The following IL31RA variants were observed in gnomAD, a reference collection of about 807,000 sequenced individuals.
IL31RA encodes interleukin 31 receptor A, also known as interleukin-31 receptor subunit alpha.
A neutral mutation model predicts 83.7 loss-of-function variants in IL31RA; 66 were observed. The observed-to-expected ratio is 0.79, with a 90% CI of 0.65 to 0.97. IL31RA has a LOEUF of 0.97. Among genes scored for constraint, IL31RA ranks in the 50% least tolerant of loss-of-function variants. The pLI is 0.00. For missense variants in IL31RA, 798 were observed against 919.4 expected, an observed-to-expected ratio of 0.87 and a Z score of 1.71; for synonymous variants, 325 against 329.0, an observed-to-expected ratio of 0.99 and a Z score of 0.13.
At chr5:55,896,216 C>A (rs974368138) in intron 6 of IL31RA, 134 bp from the exon 7 acceptor site, 14 of 722,368 alleles carry the variant, frequency 1.9e-5, no homozygotes, top group Non-Finnish European at 3.1e-5. Flanking sequence ...TGCAAAGCTG[C>A]CATCCCTCCA....
chr5:55,906,923 T>C (rs2112557453), intron 9 of IL31RA, among the ~76,000 whole-genome samples: 1 of 152,234 alleles, frequency 6.6e-6, no homozygotes, highest in South Asian at 2.1e-4. Context: ...ACCACAATCA[T>C]TTCTTAATGC....
chr5:55,881,673 C>T (rs552618183), intron 4 of IL31RA, among the ~76,000 whole-genome samples: 84 of 150,254 alleles, frequency 5.6e-4, no homozygotes, highest in Non-Finnish European at 1.1e-3. Flanking sequence ...TGCCATTTTG[C>T]CTCTTAATGG....
upstream of IL31RA, among the ~76,000 whole-genome samples, chr5:55,846,677 A>G (rs982158265): frequency 2.6e-5 from 4 of 151,940 alleles, no homozygotes; most frequent in South Asian, 2.1e-4. Flanking sequence ...TGCGCCTGTA[A>G]TCTCAGCTAC....
At chr5:55,910,242 AT>A (rs1749419984) in intron 11 of IL31RA, among the ~76,000 whole-genome samples, 1 of 152,036 alleles carries the variant, frequency 6.6e-6, no homozygotes, top group East Asian at 1.9e-4. Flanking sequence ...AGCTTGATCT[AT>A]TTTTTTCTTT....
At chr5:55,888,375 C>G (rs368411213) in intron 5 of IL31RA, among the ~76,000 whole-genome samples, 1 of 152,152 alleles carries the variant, frequency 6.6e-6, no homozygotes, top group Non-Finnish European at 1.5e-5. Context: ...GTTTCATCTT[C>G]TCTGAGGCCG....
rs1310695700 is a variant in IL31RA, at chr5:55,921,507, G to A, written c.*4387G>A. On this transcript the variant is annotated 3_prime_UTR_variant, in exon 15 of 15. Coordinates refer to ENST00000652347, the MANE Select transcript of IL31RA (RefSeq NM_139017.7). ...ACCTTTGTCCTGTCTCTTTGGGGCT[G>A]TTTTCAAAAGTGGAATTGCTGGTCA... Among the ~76,000 whole-genome samples the A allele has an allele frequency of 6.6e-6, 1 of 152,174 alleles. No individual in the cohort carries two copies. The highest frequency in any genetic ancestry group is 1.9e-4 in the East Asian group (1 of 5,204).
At chr5:55,905,993 G>C in intron 8 of IL31RA, 113 bp from the exon 9 acceptor site, 2 of 1,039,930 alleles carry the variant, frequency 1.9e-6, no homozygotes, top group South Asian at 2.5e-5. Flanking sequence ...CTGCAGTGGA[G>C]ATCCTGAACT....
At chr5:55,879,295 G>C (rs1016542122) in intron 4 of IL31RA, among the ~76,000 whole-genome samples, 1 of 152,020 alleles carries the variant, frequency 6.6e-6, no homozygotes, top group African/African-American at 2.4e-5. Context: ...GCAAGGGCAA[G>C]TAAGACAGCC....
Position 55,904,199 on chromosome 5 carries a change from C to T in IL31RA, c.1070-1907C>T, listed in dbSNP as rs1748994274. ...TATACTTTGGGGGGATACAATTCAA[C>T]CTGTAACAGGTACAATCTGAGATAA... On this transcript the variant is annotated intron_variant, in intron 8 of 14. Transcript: ENST00000652347. Among the ~76,000 whole-genome samples, 3 of 152,190 alleles carry T rather than the reference C, an allele frequency of 2.0e-5. No homozygotes were observed. The South Asian group carries it at 6.2e-4, about 31-fold the overall frequency.
chr5:55,910,414 G>A, intron 11 of IL31RA, 118 bp from the exon 12 acceptor site: 1 of 1,106,486 alleles, frequency 9.0e-7, no homozygotes, highest in South Asian at 1.3e-5. Flanking sequence ...ATAGGGGTCA[G>A]AATATGAGAC....
intron 5 of IL31RA, among the ~76,000 whole-genome samples, chr5:55,886,136 T>C (rs1002739240): frequency 6.6e-6 from 1 of 152,126 alleles, no homozygotes; most frequent in Admixed American, 6.5e-5. Context: ...ACATCTGTAC[T>C]CATCTTTGCT....
intron 8 of IL31RA, among the ~76,000 whole-genome samples, chr5:55,900,572 C>T (rs1748751653): frequency 3.3e-5 from 5 of 152,168 alleles, no homozygotes; most frequent in Admixed American, 3.3e-4. Context: ...TGTTTTCTTC[C>T]TTTTCCCCTT....
In IL31RA at chr5:55,889,959, CTG is replaced by C; in HGVS notation, c.607-9_607-8del. ...TCTCCATTTCAGTTTAGGATTGTCT[CTG>C]TCTTGTAGATGGAAGTCAACTTCGC... On this transcript the variant is annotated splice_polypyrimidine_tract_variant and intron_variant, in intron 5 of 14. Coordinates refer to ENST00000652347, the MANE Select transcript of IL31RA (RefSeq NM_139017.7). 6.2e-7 allele frequency: 1 copy of C among 1,613,842 alleles called. No homozygotes were observed. Among genetic ancestry groups the C allele is most frequent in the Non-Finnish European group, 8.5e-7 (1 of 1,179,740 alleles).
intron 6 of IL31RA, among the ~76,000 whole-genome samples, chr5:55,890,609 A>ATC (rs1747925060): frequency 6.6e-6 from 1 of 152,190 alleles, no homozygotes. Context: ...ACCTCAGGTA[A>ATC]TCTGCCCACC....
At chr5:55,844,337 A>G in the IL31RA span, among the ~76,000 whole-genome samples, 1 of 152,196 alleles carries the variant, frequency 6.6e-6, no homozygotes, top group African/African-American at 2.4e-5. Context: ...GAAATGTTAA[A>G]AGTTCTTCCA....
At chr5:55,897,983 T>C (rs1173010735) in intron 7 of IL31RA, among the ~76,000 whole-genome samples, 1 of 152,088 alleles carries the variant, frequency 6.6e-6, no homozygotes, top group South Asian at 2.1e-4. Context: ...TCCCGCACCA[T>C]CGCCCACTCC....
In IL31RA at chr5:55,916,730, G is replaced by C; in HGVS notation, c.1905G>C (p.Leu635Phe). The C allele has an allele frequency of 6.2e-7, 1 of 1,614,170 alleles. No homozygotes were observed. Among genetic ancestry groups the C allele is most frequent in the Non-Finnish European group, 8.5e-7 (1 of 1,180,014 alleles). Residue 635 changes from leucine (L) to phenylalanine (F), a missense_variant, in exon 15 of 15, where the codon TTG becomes TTC. By Grantham distance (22) the Leu-to-Phe change is conservative (BLOSUM62 0). Coordinates refer to ENST00000652347, the MANE Select transcript of IL31RA (RefSeq NM_139017.7). ...LKPCSTPSDK[L>F]VIDKLVVNFG... ...CATGTTCCACCCCCAGTGACAAGTT[G>C]GTGATTGACAAGTTGGTGGTGAACT...
chr5:55,914,158 T>C (rs1749655930), intron 13 of IL31RA, among the ~76,000 whole-genome samples: 2 of 152,180 alleles, frequency 1.3e-5, no homozygotes, highest in South Asian at 4.1e-4. Context: ...CTAATGGTCC[T>C]CCCCTGGTTG....
intron 12 of IL31RA, among the ~76,000 whole-genome samples, chr5:55,911,177 C>T (rs560338955): frequency 2.3e-4 from 31 of 135,812 alleles, no homozygotes; most frequent in Non-Finnish European, 3.6e-4. Flanking sequence ...AGGTGAAATG[C>T]ACATCTTACA....
Sources: gnomAD v4.1 joint callset for allele counts (sites outside exome capture counted in the v4.1 genomes callset) on GRCh38, gnomAD v4.1.1 for gene constraint, MANE v1.5 for transcripts, NCBI Gene and HGNC (gene_info 2026-07-23, HGNC 2026-07-21) for gene names.